ARFGEF3: variants seen among roughly 807,000 people sequenced by gnomAD.
The protein encoded by ARFGEF3 is brefeldin A-inhibited guanine nucleotide-exchange protein 3.
ARFGEF3 carries 96 observed loss-of-function variants against 221.7 expected under a neutral mutation model. The observed-to-expected ratio is 0.43, with a 90% CI of 0.37 to 0.51. The LOEUF (loss-of-function observed/expected upper bound fraction) is 0.51, where lower values mean the gene tolerates loss of function less well. Among genes scored for constraint, ARFGEF3 ranks in the 20% least tolerant of loss-of-function variants. The pLI, the probability that ARFGEF3 is intolerant of heterozygous loss-of-function variation, is 0.00. For missense variants in ARFGEF3, 2,410 were observed against 2,789.9 expected, an observed-to-expected ratio of 0.86 and a Z score of 3.07; for synonymous variants, 1,145 against 1,126.8, an observed-to-expected ratio of 1.02 and a Z score of -0.32.
intron 27 of ARFGEF3, among the ~76,000 whole-genome samples, chr6:138,318,309 G>A (rs985929920): frequency 2.0e-5 from 3 of 152,154 alleles, no homozygotes; most frequent in Non-Finnish European, 4.4e-5. Flanking sequence ...CACTAAATGT[G>A]TGTGAAGAGC....
intron 7 of ARFGEF3, among the ~76,000 whole-genome samples, chr6:138,243,985 CT>C (rs1171173654): frequency 6.6e-6 from 1 of 151,944 alleles, no homozygotes; most frequent in Non-Finnish European, 1.5e-5. Flanking sequence ...CTATGGTGTT[CT>C]CATAAAGGCT....
chr6:138,246,814 C>T (rs1778493345), intron 8 of ARFGEF3, among the ~76,000 whole-genome samples: 1 of 152,092 alleles, frequency 6.6e-6, no homozygotes, highest in Non-Finnish European at 1.5e-5. Flanking sequence ...GTATTGTATT[C>T]AGGATTTTTG....
intron 12 of ARFGEF3, among the ~76,000 whole-genome samples, chr6:138,264,788 T>A (rs1006681387): frequency 3.3e-5 from 5 of 152,196 alleles, no homozygotes; most frequent in African/African-American, 1.2e-4. Context: ...AGAAGCTGAC[T>A]GATGTGTAAC....
chr6:138,177,151 G>T (rs1776968318), intron 2 of ARFGEF3, among the ~76,000 whole-genome samples: 1 of 151,546 alleles, frequency 6.6e-6, no homozygotes, highest in African/African-American at 2.4e-5. Flanking sequence ...GTGCAGTGGA[G>T]CAATCTCAGC....
At chr6:138,265,005 G>A (rs1335433893) in intron 12 of ARFGEF3, among the ~76,000 whole-genome samples, 11 of 150,526 alleles carry the variant, frequency 7.3e-5, no homozygotes, top group African/African-American at 2.7e-4. Flanking sequence ...CCGGGTTCAT[G>A]CCATTCTCCT....
chr6:138,335,075 C>T lies in ARFGEF3; in HGVS notation c.6229C>T (p.Arg2077Trp), dbSNP rs373666994. 5 of 1,600,100 alleles carry T rather than the reference C, an allele frequency of 3.1e-6. No homozygotes were observed. Among genetic ancestry groups the T allele is most frequent in the Admixed American group, 3.4e-5 (2 of 58,066 alleles). Residue 2077 changes from arginine (R) to tryptophan (W), a missense_variant, in exon 33 of 34, where the codon CGG (arginine) becomes TGG (tryptophan). By Grantham distance (101) the Arg-to-Trp change is moderately radical. Coordinates refer to ENST00000251691, the MANE Select transcript of ARFGEF3 (RefSeq NM_020340.5). ...PQHLMDQGQMRHSFSAGPELL... is the reference protein window; with the variant it reads ...PQHLMDQGQMWHSFSAGPELL... The stretch of plus-strand genomic sequence containing the variant: ...GCACTTGATGGACCAAGGGCAAATG[C>T]GGCATTCCTTCAGCGCAGGCCCCGA...
In ARFGEF3 at chr6:138,321,243, T is replaced by C; in HGVS notation, c.4766+18T>C. ...TGTATTAGGTGAGGAAATGCTTTCC[T>C]GACTCTCCACAAAGCTGGAGTTTTT... On this transcript the variant is annotated intron_variant, in intron 29 of 33. Transcript: ENST00000251691. 1 of 1,287,542 alleles carries C rather than the reference T, an allele frequency of 7.8e-7. No homozygotes were observed. Among genetic ancestry groups the C allele is most frequent in the Non-Finnish European group, 1.1e-6 (1 of 921,670 alleles). The allele number at this position is 1,287,542 out of a possible 1,614,324, so 79.8% of individuals were successfully genotyped here. A position where few individuals can be genotyped will look rare whatever the true frequency, so the allele number is the denominator to read the frequency against.
chr6:138,296,900 G>A lies in ARFGEF3; in HGVS notation c.3593G>A (p.Arg1198Gln), dbSNP rs1200444178. 11 of 1,614,008 alleles carry A rather than the reference G, an allele frequency of 6.8e-6. No individual in the cohort carries two copies. Among genetic ancestry groups the A allele is most frequent in the East Asian group, 2.2e-5 (1 of 44,886 alleles). ...CTGAGGATTGTGCGGAGCAAAGCAC[G>A]GCCCCTGCTCCACGTGATGCGCTGC... Reference protein sequence around the residue: ...AMLRIVRSKARPLLHVMRCWS... With the variant: ...AMLRIVRSKAQPLLHVMRCWS... The change falls in exon 21 of 34, where the codon CGG becomes CAG. Residue 1198 changes from arginine to glutamine, a missense_variant. Coordinates refer to ENST00000251691, the MANE Select transcript of ARFGEF3 (RefSeq NM_020340.5).
At chr6:138,174,000 G>A (rs6937474) in intron 2 of ARFGEF3, among the ~76,000 whole-genome samples, 1 of 152,150 alleles carries the variant, frequency 6.6e-6, no homozygotes, top group Admixed American at 6.5e-5. Flanking sequence ...AAGCATTCTT[G>A]TACAGAGAAT....
chr6:138,293,087 G>A (rs762277248), intron 19 of ARFGEF3, among the ~76,000 whole-genome samples: 6 of 152,092 alleles, frequency 3.9e-5, no homozygotes, highest in Admixed American at 6.5e-5. Flanking sequence ...TAAAACTTGC[G>A]TGTCTCATTT....
chr6:138,303,667 G>T (rs1395987143), intron 22 of ARFGEF3, among the ~76,000 whole-genome samples: 1 of 151,788 alleles, frequency 6.6e-6, no homozygotes, highest in Non-Finnish European at 1.5e-5. Context: ...GCTGCGTGTG[G>T]TGGCGCACGC....
chr6:138,284,157 TAGCTAGGTGTGGTGGC>T (rs1251071058), intron 14 of ARFGEF3, among the ~76,000 whole-genome samples: 11 of 151,972 alleles, frequency 7.2e-5, no homozygotes, highest in Non-Finnish European at 1.5e-4. Context: ...ATACAAAAAT[TAGCTAGGTGTGGTGGC>T]ACATACCTGT....
intron 4 of ARFGEF3, among the ~76,000 whole-genome samples, chr6:138,219,439 T>C (rs1386879238): frequency 6.6e-6 from 1 of 152,046 alleles, no homozygotes; most frequent in African/African-American, 2.4e-5. Flanking sequence ...TGCAGGATGA[T>C]TCAGGAATCA....
intron 5 of ARFGEF3, among the ~76,000 whole-genome samples, chr6:138,233,522 G>A (rs139341428): frequency 0.014 from 2,203 of 152,082 alleles, 59 homozygotes; most frequent in African/African-American, 0.049. Context: ...GATTACAGGC[G>A]CATGCCACCA....
intron 2 of ARFGEF3, among the ~76,000 whole-genome samples, chr6:138,177,057 C>CTTTATTTATTTA (rs3044801): frequency 5.5e-5 from 8 of 146,174 alleles, no homozygotes; most frequent in Non-Finnish European, 4.5e-5. Context: ...TTCACTTTTA[C>CTTTATTTATTTA]TTTATTTATT....
intron 4 of ARFGEF3, among the ~76,000 whole-genome samples, chr6:138,210,940 C>T (rs1237884889): frequency 6.6e-6 from 1 of 152,110 alleles, no homozygotes; most frequent in Admixed American, 6.5e-5. Flanking sequence ...ATGTCCTGGG[C>T]CTCACCCTAA....
chr6:138,306,787 A>ATGG (rs1026169002), intron 22 of ARFGEF3, among the ~76,000 whole-genome samples: 6 of 152,162 alleles, frequency 3.9e-5, no homozygotes, highest in Admixed American at 3.3e-4. Context: ...AAAATTCAAA[A>ATGG]TGGGTCATGA....
rs1286681073 is a variant in ARFGEF3 at position 138,215,960 on chromosome 6, TTTGGTTTTTTG to T, written c.351+5923_351+5933del. The T allele has an allele frequency of 2.0e-5, 3 of 149,322 alleles. No individual in the cohort carries two copies. The East Asian group carries it at 6.3e-4, about 31-fold the overall frequency. 9.2% of individuals were successfully genotyped at this position (149,322 alleles called of 1,614,324 possible). ...TAATTTACCATTGGTTTTTTGGTTT[TTTGGTTTTTTG>T]TTGTTGTTGTTTTTTTTTTTGGGTG... On this transcript the variant is annotated intron_variant, in intron 4 of 33. Transcript: ENST00000251691.
At chr6:138,285,837 A>G (rs776550492) in intron 14 of ARFGEF3, 109 bp from the exon 15 acceptor site, 1 of 673,324 alleles carries the variant, frequency 1.5e-6, no homozygotes, top group Non-Finnish European at 2.6e-6. Flanking sequence ...TGCTTGAAAC[A>G]TAAAAGATAC....
Sources: gnomAD v4.1 joint callset for allele counts (sites outside exome capture counted in the v4.1 genomes callset) on GRCh38, gnomAD v4.1.1 for gene constraint, MANE v1.5 for transcripts, NCBI Gene and HGNC (gene_info 2026-07-23, HGNC 2026-07-21) for gene names.